Variants in INPP4B observed in about 807,000 individuals in gnomAD.
INPP4B encodes inositol polyphosphate-4-phosphatase type II B, also known as inositol polyphosphate 4-phosphatase type II.
A neutral mutation model predicts 122.5 loss-of-function variants in INPP4B; 55 were observed. That is an observed-to-expected ratio of 0.45 (90% CI 0.36 to 0.56). The LOEUF is 0.56. Among genes scored for constraint, INPP4B ranks in the 20% least tolerant of loss-of-function variants. The probability of loss-of-function intolerance (pLI) is 0.00; values close to 1 mark genes in which losing one functional copy is unlikely to be tolerated. For synonymous variants in INPP4B, 403 were observed against 388.7 expected, an observed-to-expected ratio of 1.04 and a Z score of -0.43; for missense variants, 1,000 against 1,097.7, an observed-to-expected ratio of 0.91 and a Z score of 1.26.
intron 5 of INPP4B, among the ~76,000 whole-genome samples, chr4:142,428,637 T>G (rs1005394155): frequency 1.3e-5 from 2 of 151,992 alleles, no homozygotes; most frequent in Non-Finnish European, 2.9e-5. Context: ...AGTTACAAAT[T>G]TTTACATGTG....
At chr4:142,070,440 C>T (rs1553962995) in intron 25 of INPP4B, among the ~76,000 whole-genome samples, 1 of 152,096 alleles carries the variant, frequency 6.6e-6, no homozygotes, top group Non-Finnish European at 1.5e-5. Context: ...ACAGGGATGC[C>T]CTCTTTCACC....
At chr4:142,406,705 A>G (rs1803458324) in intron 5 of INPP4B, among the ~76,000 whole-genome samples, 1 of 152,222 alleles carries the variant, frequency 6.6e-6, no homozygotes, top group Admixed American at 6.5e-5. Flanking sequence ...TGCCTCTAGT[A>G]ACAGAAGAGA....
At chr4:142,387,793 T>C (rs1419703340) in intron 7 of INPP4B, among the ~76,000 whole-genome samples, 1 of 152,174 alleles carries the variant, frequency 6.6e-6, no homozygotes, top group Non-Finnish European at 1.5e-5. Context: ...CTTTCTGTAT[T>C]GTTCTATCAT....
At chr4:142,503,339 A>C (rs1459615969) in intron 2 of INPP4B, among the ~76,000 whole-genome samples, 2 of 152,180 alleles carry the variant, frequency 1.3e-5, no homozygotes, top group African/African-American at 4.8e-5. Flanking sequence ...GTTTGAAGCA[A>C]GATAAATATT....
intron 23 of INPP4B, 105 bp from the exon 24 acceptor site, chr4:142,086,361 T>A: frequency 1.5e-6 from 1 of 675,052 alleles, no homozygotes; most frequent in Non-Finnish European, 2.6e-6. Context: ...CAACTTTTCT[T>A]TTAGGCAGGG....
At chr4:142,806,226 C>A (rs546749232) in intron 1 of INPP4B, among the ~76,000 whole-genome samples, 4 of 136,242 alleles carry the variant, frequency 2.9e-5, no homozygotes, top group African/African-American at 1.2e-4. Context: ...TTGCAGTGAG[C>A]CGAGATGGCA....
intron 9 of INPP4B, among the ~76,000 whole-genome samples, chr4:142,280,480 T>C (rs1750683298): frequency 6.6e-6 from 1 of 151,960 alleles, no homozygotes; most frequent in Admixed American, 6.6e-5. Flanking sequence ...AATTTCATTC[T>C]CAAAAAGGAA....
At chr4:142,244,181 G>C (rs1860930503) in intron 11 of INPP4B, among the ~76,000 whole-genome samples, 2 of 149,944 alleles carry the variant, frequency 1.3e-5, no homozygotes, top group Admixed American at 1.3e-4. Flanking sequence ...CCGTCCCTGT[G>C]TTAGTTTGCT....
chr4:142,141,587 C>G (rs181981424), intron 18 of INPP4B, among the ~76,000 whole-genome samples: 4 of 152,096 alleles, frequency 2.6e-5, no homozygotes, highest in Non-Finnish European at 5.9e-5. Flanking sequence ...TTTTATGTCT[C>G]TCAGCACTAT....
intron 25 of INPP4B, among the ~76,000 whole-genome samples, chr4:142,057,980 C>T (rs1758580984): frequency 6.6e-6 from 1 of 152,092 alleles, no homozygotes; most frequent in Non-Finnish European, 1.5e-5. Context: ...CAGCATGTAG[C>T]CTTGCATTTT....
chr4:142,832,997 A>G (rs1782348632), intron 1 of INPP4B, among the ~76,000 whole-genome samples: 1 of 151,812 alleles, frequency 6.6e-6, no homozygotes, highest in Non-Finnish European at 1.5e-5. Context: ...CGCACAAAGG[A>G]TTGTTTGGGG....
intron 21 of INPP4B, among the ~76,000 whole-genome samples, chr4:142,118,613 C>A (rs1342238924): frequency 1.3e-5 from 2 of 152,094 alleles, no homozygotes; most frequent in Non-Finnish European, 2.9e-5. Flanking sequence ...GAAACTGGAT[C>A]CCTTCCTTAC....
At chr4:142,526,384 A>G (rs987674749) in intron 2 of INPP4B, among the ~76,000 whole-genome samples, 2 of 151,990 alleles carry the variant, frequency 1.3e-5, no homozygotes, top group Non-Finnish European at 2.9e-5. Context: ...GTATTTCTTT[A>G]GTTGTATTGA....
intron 1 of INPP4B, among the ~76,000 whole-genome samples, chr4:142,735,240 G>A (rs1320545138): frequency 1.3e-5 from 2 of 152,078 alleles, no homozygotes; most frequent in South Asian, 4.1e-4. Flanking sequence ...ATATATTTGA[G>A]AAATTCTTAA....
intron 22 of INPP4B, 80 bp downstream of exon 22, chr4:142,112,462 G>T: frequency 7.5e-7 from 1 of 1,340,106 alleles, no homozygotes; most frequent in Non-Finnish European, 1.0e-6. Context: ...AGTTCTACAT[G>T]CAGATACATG....
intron 2 of INPP4B, among the ~76,000 whole-genome samples, chr4:142,715,487 A>C (rs1363399366): frequency 6.6e-6 from 1 of 152,234 alleles, no homozygotes; most frequent in East Asian, 1.9e-4. Context: ...ATAGAATAAC[A>C]TGGGGATCTC....
chr4:142,735,762 T>G (rs1257697445), intron 1 of INPP4B, among the ~76,000 whole-genome samples: 1 of 152,226 alleles, frequency 6.6e-6, no homozygotes, highest in East Asian at 1.9e-4. Context: ...TCATTTTATT[T>G]TAAATGTATG....
At chr4:142,682,616 G>T (rs934293139) in intron 2 of INPP4B, among the ~76,000 whole-genome samples, 16 of 151,796 alleles carry the variant, frequency 1.1e-4, no homozygotes, top group African/African-American at 3.4e-4. Flanking sequence ...TATAACAACT[G>T]TATCTTTGCA....
chr4:142,191,553 C>T (rs1835839019), intron 15 of INPP4B, among the ~76,000 whole-genome samples: 1 of 152,188 alleles, frequency 6.6e-6, no homozygotes, highest in Non-Finnish European at 1.5e-5. Flanking sequence ...TTTGAATTAA[C>T]TTCCAACTCC....
Sources: gnomAD v4.1 joint callset for allele counts (sites outside exome capture counted in the v4.1 genomes callset) on GRCh38, gnomAD v4.1.1 for gene constraint, MANE v1.5 for transcripts, NCBI Gene and HGNC (gene_info 2026-07-23, HGNC 2026-07-21) for gene names.